SLC22A4: variants seen among roughly 807,000 people sequenced by gnomAD.
SLC22A4 encodes the protein ET transporter.
A neutral mutation model predicts 56.6 loss-of-function variants in SLC22A4; 39 were observed. The observed-to-expected ratio is 0.69, with a 90% CI of 0.53 to 0.90. SLC22A4 has a LOEUF of 0.90. Ranked by LOEUF, SLC22A4 falls within the 40% of genes least tolerant of loss-of-function variation. The pLI, the probability that SLC22A4 is intolerant of heterozygous loss-of-function variation, is 0.00. For synonymous variants in SLC22A4, 241 were observed against 281.4 expected (o/e 0.86, Z 1.44); for missense variants, 594 against 696.5 (o/e 0.85, Z 1.66).
At position 132,294,611 on chromosome 5, in the gene SLC22A4, G is replaced by C; in HGVS notation, c.-6G>C. Reference sequence around the variant, plus strand: ...AGTTGCAAGTTTCGGAGCGGCAGTGGGAAGCATGCGGGACTACGACGAGGT... The same window carrying C: ...AGTTGCAAGTTTCGGAGCGGCAGTGCGAAGCATGCGGGACTACGACGAGGT... On this transcript the variant is annotated 5_prime_UTR_variant, in exon 1 of 10. Coordinates refer to ENST00000200652, the MANE Select transcript of SLC22A4 (RefSeq NM_003059.3). This position sits in a 1 kb window ranked among gnomAD's most constrained non-coding sequence, Gnocchi z 5.6. 1.2e-6 allele frequency: 2 copies of C among 1,614,174 alleles called. No homozygotes were observed. The highest frequency in any genetic ancestry group is 1.7e-6 in the Non-Finnish European group (2 of 1,180,040).
intron 6 of SLC22A4, among the ~76,000 whole-genome samples, 158 bp downstream of exon 6, chr5:132,332,008 A>C (rs1008503629): frequency 6.6e-6 from 1 of 152,222 alleles, no homozygotes; most frequent in Non-Finnish European, 1.5e-5. Context: ...TATTCAGTTC[A>C]TGGGACTAGA....
intron 1 of SLC22A4, among the ~76,000 whole-genome samples, chr5:132,305,391 T>G (rs1012032173): frequency 6.6e-6 from 1 of 151,978 alleles, no homozygotes; most frequent in African/African-American, 2.4e-5. Context: ...GACTGAAAAC[T>G]TCCCAAATTT....
intron 1 of SLC22A4, among the ~76,000 whole-genome samples, chr5:132,299,059 T>A (rs1396587634): frequency 6.6e-6 from 1 of 152,234 alleles, no homozygotes; most frequent in Non-Finnish European, 1.5e-5. Context: ...ACACAGGTAG[T>A]GGGACTGTCC....
At chr5:132,295,257 TC>T (rs1749755234) in intron 1 of SLC22A4, 2 of 707,802 alleles carry the variant, frequency 2.8e-6, no homozygotes, top group East Asian at 5.5e-5. Flanking sequence ...TCTTTTCATT[TC>T]CGATTTTCAC....
At chr5:132,306,031 A>G (rs1750020125) in intron 1 of SLC22A4, among the ~76,000 whole-genome samples, 1 of 152,130 alleles carries the variant, frequency 6.6e-6, no homozygotes, top group African/African-American at 2.4e-5. Flanking sequence ...CCACAATGAG[A>G]TACCTCTTTA....
rs762081911 is a variant in SLC22A4, at chr5:132,338,726, G to A, written c.1445-1839G>A. Among the ~76,000 whole-genome samples, 33 of 152,208 alleles carry A rather than the reference G, an allele frequency of 2.2e-4. 1 individual carries two copies. Among genetic ancestry groups the A allele is most frequent in the Non-Finnish European group, 4.7e-4 (32 of 68,042 alleles). ...AGAGAAATATGGCTCTGTTCTGCCC[G>A]ACTCACCAGCGGTCAGAGTTTAAGG... On this transcript the variant is annotated intron_variant, in intron 8 of 9. Coordinates refer to ENST00000200652, the MANE Select transcript of SLC22A4 (RefSeq NM_003059.3).
intron 5 of SLC22A4, among the ~76,000 whole-genome samples, chr5:132,330,297 G>A (rs1335609254): frequency 2.0e-5 from 3 of 152,202 alleles, no homozygotes; most frequent in Non-Finnish European, 4.4e-5. Context: ...GGGCCACAAA[G>A]TCACAAAGTC....
intron 6 of SLC22A4, among the ~76,000 whole-genome samples, chr5:132,334,138 TATA>T (rs1199490344): frequency 2.0e-5 from 3 of 152,214 alleles, no homozygotes; most frequent in Non-Finnish European, 4.4e-5. Flanking sequence ...GGAAGTTAAC[TATA>T]ATGACAGAAT....
At chr5:132,337,268 CCTT>C (rs1175482219) in intron 8 of SLC22A4, among the ~76,000 whole-genome samples, 1 of 67,152 alleles carries the variant, frequency 1.5e-5, no homozygotes, top group Non-Finnish European at 3.0e-5. Context: ...ATAAAGATTA[CCTT>C]TTTTTTTTTT....
intron 1 of SLC22A4, among the ~76,000 whole-genome samples, chr5:132,302,475 AAAAG>A (rs1749926555): frequency 6.6e-6 from 1 of 152,160 alleles, no homozygotes; most frequent in Non-Finnish European, 1.5e-5. Flanking sequence ...TCTGGAGTCC[AAAAG>A]AAAGGCAAGG....
chr5:132,295,718 CCGCTTTT>C, intron 1 of SLC22A4: 2 of 179,050 alleles, frequency 1.1e-5, no homozygotes, highest in Non-Finnish European at 2.4e-5. Context: ...CACACTTCTC[CCGCTTTT>C]GCTGCTTCAC....
chr5:132,314,583 A>AATTT (rs1750279808), intron 3 of SLC22A4, among the ~76,000 whole-genome samples: 1 of 152,222 alleles, frequency 6.6e-6, no homozygotes, highest in Non-Finnish European at 1.5e-5. Flanking sequence ...TAGGTGGCTC[A>AATTT]GTACCATCCC....
chr5:132,335,912 C>T lies in SLC22A4; in HGVS notation c.1356C>T (p.Tyr452=). 6.2e-7 allele frequency: 1 copy of T among 1,614,136 alleles called. No homozygotes were observed. The highest frequency in any genetic ancestry group is 8.5e-7 in the Non-Finnish European group (1 of 1,179,996). Residue 452 remains tyrosine, a synonymous_variant, in exon 8 of 10, where the codon TAC becomes TAT. Transcript: ENST00000200652. ...TGTATGTCTTCACTGCTGAGCTCTA[C>T]CCAACCCTGGTCAGGAACATGGCGG... ...SMLYVFTAEL[Y]PTLVRNMAVG...
At chr5:132,326,298 A>G (rs895975531) in intron 4 of SLC22A4, among the ~76,000 whole-genome samples, 1 of 152,218 alleles carries the variant, frequency 6.6e-6, no homozygotes, top group African/African-American at 2.4e-5. Context: ...TTAGCCTACA[A>G]TTGGGCAAAA....
chr5:132,337,579 CCT>C (rs1751065452), intron 8 of SLC22A4, among the ~76,000 whole-genome samples: 1 of 26,012 alleles, frequency 3.8e-5, no homozygotes, highest in Non-Finnish European at 9.2e-5. Flanking sequence ...ACCTGGCCTA[CCT>C]AATTTTTTAA....
chr5:132,321,883 G>A lies in SLC22A4; in HGVS notation c.653-301G>A, dbSNP rs139672522. ...AGATCACGCCACTGCACTGCAGCCCGGGCAACAGAGGGAGACTTTGTCTCA... is the reference window on the plus strand; with the variant it reads ...AGATCACGCCACTGCACTGCAGCCCAGGCAACAGAGGGAGACTTTGTCTCA... On this transcript the variant is annotated intron_variant, in intron 3 of 9. Coordinates refer to ENST00000200652, the MANE Select transcript of SLC22A4 (RefSeq NM_003059.3). Among the ~76,000 whole-genome samples the A allele has an allele frequency of 5.0e-3, 755 of 151,942 alleles. 3 individuals carry two copies. The highest frequency in any genetic ancestry group is 0.014 in the African/African-American group (595 of 41,430).
chr5:132,336,124 C>T (rs554594686), intron 8 of SLC22A4, 124 bp downstream of exon 8: 3 of 991,698 alleles, frequency 3.0e-6, no homozygotes, highest in Middle Eastern at 3.0e-4. Context: ...TTCACCTCTC[C>T]TCTCCCAGGA....
chr5:132,295,706 C>T (rs1749764392), intron 1 of SLC22A4: 1 of 190,118 alleles, frequency 5.3e-6, no homozygotes, highest in Admixed American at 5.4e-5. Flanking sequence ...TGAGGATGCA[C>T]ACACACTTCT....
intron 4 of SLC22A4, among the ~76,000 whole-genome samples, chr5:132,325,927 T>A (rs1016165675): frequency 6.6e-6 from 1 of 152,194 alleles, no homozygotes; most frequent in Non-Finnish European, 1.5e-5. Context: ...TTATTGCCCC[T>A]TTCCATGGCA....
Sources: gnomAD v4.1 joint callset for allele counts (sites outside exome capture counted in the v4.1 genomes callset) on GRCh38, gnomAD v4.1.1 for gene constraint, Gnocchi (gnomAD v3.1) non-coding constraint, MANE v1.5 for transcripts, NCBI Gene and HGNC (gene_info 2026-07-23, HGNC 2026-07-21) for gene names.